CHEK1: variants seen among roughly 807,000 people sequenced by gnomAD.
The protein encoded by CHEK1 is serine/threonine-protein kinase Chk1.
A neutral mutation model predicts 60.2 loss-of-function variants in CHEK1; 32 were observed. That is an observed-to-expected ratio of 0.53 (90% confidence interval 0.40 to 0.71). The LOEUF (loss-of-function observed/expected upper bound fraction) is 0.71, where lower values mean the gene tolerates loss of function less well. Among genes scored for constraint, CHEK1 ranks in the 30% least tolerant of loss-of-function variants. CHEK1 has a pLI of 0.00. For missense variants in CHEK1, 399 were observed against 564.6 expected (o/e 0.71, Z 2.97); for synonymous variants, 179 against 187.2 (o/e 0.96, Z 0.36).
chr11:125,674,670 G>A (rs1417031016), intron 13 of CHEK1, among the ~76,000 whole-genome samples: 3 of 152,282 alleles, frequency 2.0e-5, no homozygotes, highest in Non-Finnish European at 2.9e-5. Context: ...CTGAAGAAGC[G>A]CTTTGACCAA....
At chr11:125,665,869 CTTTTTTTTTTT>C (rs66560397) in intron 13 of CHEK1, among the ~76,000 whole-genome samples, 1 of 30,514 alleles carries the variant, frequency 3.3e-5, no homozygotes, top group Non-Finnish European at 5.8e-5. Flanking sequence ...CTTCATTCCC[CTTTTTTTTTTT>C]TTTTTTTTTT....
At chr11:125,658,884 C>T (rs1941964934), downstream of CHEK1, among the ~76,000 whole-genome samples, 1 of 151,900 alleles carries the variant, frequency 6.6e-6, no homozygotes, top group Non-Finnish European at 1.5e-5. Context: ...CCAGATTTCA[C>T]TGTGTTGCCG....
At chr11:125,648,028 G>T (rs977435885) in intron 11 of CHEK1, among the ~76,000 whole-genome samples, 4 of 151,200 alleles carry the variant, frequency 2.6e-5, no homozygotes, top group Non-Finnish European at 5.9e-5. Flanking sequence ...TTTTTTTAGG[G>T]TCTTTAATTT....
At chr11:125,677,831 C>T (rs1942587488), downstream of CHEK1, 2 of 1,614,072 alleles carry the variant, frequency 1.2e-6, no homozygotes, top group South Asian at 2.2e-5. Context: ...CACCTGAAGC[C>T]TGTTCCCCTG....
intron 13 of CHEK1, among the ~76,000 whole-genome samples, chr11:125,668,025 C>T (rs1286080802): frequency 6.6e-6 from 1 of 152,150 alleles, no homozygotes; most frequent in African/African-American, 2.4e-5. Context: ...TAGTATTTTT[C>T]CTCTAATTAA....
chr11:125,643,323 C>CAAAAAAAAAAAA (rs67970826), intron 8 of CHEK1: 2 of 107,900 alleles, frequency 1.9e-5, no homozygotes, highest in Non-Finnish European at 3.5e-5. Flanking sequence ...CCTAAAAATA[C>CAAAAAAAAAAAA]AAAAAAAAAA....
intron 11 of CHEK1, among the ~76,000 whole-genome samples, chr11:125,652,943 A>G (rs758775357): frequency 3.3e-5 from 5 of 152,088 alleles, no homozygotes; most frequent in African/African-American, 4.8e-5. Flanking sequence ...GTATTCTTTC[A>G]TGAATCTCTA....
chr11:125,626,841 C>T lies in CHEK1; in HGVS notation c.65+8C>T, dbSNP rs181686273. 159 of 1,614,034 alleles carry T rather than the reference C, an allele frequency of 9.9e-5. No homozygotes were observed. Among genetic ancestry groups the T allele is most frequent in the Admixed American group, 2.3e-4 (14 of 60,016 alleles). ...AGAAGGTGCCTATGGAGAGTGAGTT[C>T]TTTTAAGCTTGCCTTCGTTTTCTGA... On this transcript the variant is annotated splice_region_variant and intron_variant, in intron 2 of 12. Transcript: ENST00000438015.
At position 125,653,678 on chromosome 11, in the gene CHEK1, T is replaced by C; in HGVS notation, c.1234-68T>C. On this transcript the variant is annotated intron_variant, in intron 11 of 12. Transcript: ENST00000438015. This position sits in a 1 kb window ranked among gnomAD's most constrained non-coding sequence, Gnocchi z 4.3. The stretch of plus-strand genomic sequence containing the variant: ...TTTTTGAGAAACTTCTATTCTGTTC[T>C]TCATAGTGGGTTTACTAGTTTATTA... 1 of 768,424 alleles carries C rather than the reference T, an allele frequency of 1.3e-6. No homozygotes were observed. Among genetic ancestry groups the C allele is most frequent in the South Asian group, 1.6e-5 (1 of 62,494 alleles). 47.6% of individuals were successfully genotyped at this position (768,424 alleles called of 1,614,324 possible). A position where few individuals can be genotyped will look rare whatever the true frequency, so the allele number is the denominator to read the frequency against.
At chr11:125,667,276 A>G (rs1221689936) in intron 13 of CHEK1, among the ~76,000 whole-genome samples, 1 of 152,076 alleles carries the variant, frequency 6.6e-6, no homozygotes. Context: ...CTCTTCTCGC[A>G]TTAGGTCACT....
Position 125,648,409 on chromosome 11 carries a change from C to T in CHEK1, c.1233+3766C>T, listed in dbSNP as rs375765954. Among the ~76,000 whole-genome samples, 14 of 152,092 alleles carry T rather than the reference C, an allele frequency of 9.2e-5. No individual in the cohort carries two copies. The East Asian group carries it at 1.5e-3, about 17-fold the overall frequency. On this transcript the variant is annotated intron_variant, in intron 11 of 12. Transcript: ENST00000438015. ...CTGCCTGGCCCACATAGTGAAACCCCGTCTCTACTAAAAATACAAAAAATT... is the reference window on the plus strand; with the variant it reads ...CTGCCTGGCCCACATAGTGAAACCCTGTCTCTACTAAAAATACAAAAAATT...
chr11:125,657,406 A>G (rs925000461), downstream of CHEK1, among the ~76,000 whole-genome samples: 2 of 152,168 alleles, frequency 1.3e-5, no homozygotes, highest in Non-Finnish European at 2.9e-5. Context: ...AATTGTAGAA[A>G]GATCATTTAC....
At chr11:125,651,583 T>G (rs1941736017) in intron 11 of CHEK1, among the ~76,000 whole-genome samples, 1 of 152,122 alleles carries the variant, frequency 6.6e-6, no homozygotes, top group South Asian at 2.1e-4. Flanking sequence ...CCACTGTGCC[T>G]GGCCAGGACA....
intron 13 of CHEK1, among the ~76,000 whole-genome samples, chr11:125,673,054 C>T (rs1033021050): frequency 6.6e-6 from 1 of 152,048 alleles, no homozygotes; most frequent in African/African-American, 2.4e-5. Context: ...ATCCTCCTCA[C>T]CTTGGCCCCT....
At chr11:125,635,069 C>T (rs1941014828) in intron 6 of CHEK1, among the ~76,000 whole-genome samples, 1 of 151,904 alleles carries the variant, frequency 6.6e-6, no homozygotes. Context: ...GTGATCCTCT[C>T]ACTTTAGCCT....
At chr11:125,672,587 A>G (rs747878920) in intron 13 of CHEK1, 2 of 1,613,852 alleles carry the variant, frequency 1.2e-6, no homozygotes, top group African/African-American at 1.3e-5. Context: ...GCAAGGGCCC[A>G]GGCTTCTAGA....
chr11:125,631,695 A>G (rs1940865459), intron 5 of CHEK1, among the ~76,000 whole-genome samples: 1 of 151,628 alleles, frequency 6.6e-6, no homozygotes, highest in South Asian at 2.1e-4. Flanking sequence ...TTTATGAAAA[A>G]TTAAAAAAAA....
intron 1 of CHEK1, chr11:125,626,331 T>C (rs1394334097): frequency 4.4e-6 from 2 of 456,236 alleles, no homozygotes; most frequent in Non-Finnish European, 7.9e-6. Flanking sequence ...GGGATGGGAA[T>C]TGGAATTGAG....
chr11:125,638,251 T>C (rs1301950093), intron 8 of CHEK1, among the ~76,000 whole-genome samples: 2 of 152,174 alleles, frequency 1.3e-5, no homozygotes, highest in African/African-American at 2.4e-5. Context: ...TTTTTTTCCA[T>C]TGTTTTTTAT....
Sources: allele counts gnomAD v4.1 joint callset (sites outside exome capture counted in the v4.1 genomes callset), GRCh38; gene constraint gnomAD v4.1.1; non-coding constraint Gnocchi (gnomAD v3.1); transcripts MANE v1.5; gene names NCBI Gene and HGNC (gene_info 2026-07-23, HGNC 2026-07-21).